VEGFC: variants seen among roughly 807,000 people sequenced by gnomAD.
The protein encoded by VEGFC is FLT4 ligand DHM.
VEGFC carries 12 observed loss-of-function variants against 46.1 expected under a neutral mutation model. The observed-to-expected ratio is 0.26, with a 90% confidence interval of 0.17 to 0.42. The LOEUF (loss-of-function observed/expected upper bound fraction) is 0.42, where lower values mean the gene tolerates loss of function less well. Among genes scored for constraint, VEGFC ranks in the 10% least tolerant of loss-of-function variants. The pLI is 1.00. For synonymous variants in VEGFC, 232 were observed against 195.5 expected (o/e 1.19, Z -1.56); for missense variants, 488 against 529.4 (o/e 0.92, Z 0.77).
chr4:176,704,158 C>T (rs950356848), intron 4 of VEGFC, among the ~76,000 whole-genome samples: 24 of 152,010 alleles, frequency 1.6e-4, no homozygotes, highest in East Asian at 1.4e-3. Context: ...GTTGTTATTC[C>T]GATTGTTCTG....
At chr4:176,693,966 G>C (rs868719874) in intron 4 of VEGFC, among the ~76,000 whole-genome samples, 24 of 151,642 alleles carry the variant, frequency 1.6e-4, no homozygotes, top group Admixed American at 3.3e-4. Context: ...CCCTAAAAGA[G>C]CTCCTGAAGG....
Position 176,746,486 on chromosome 4 carries a change from A to G in VEGFC, c.148-16740T>C, listed in dbSNP as rs182823644. ...CTGCACTATCATTGCATTAATTTTT[A>G]AAGGAAAAAAGCCCTCTTAATTTAG... On this transcript the variant is annotated intron_variant, in intron 1 of 6. Transcript: ENST00000618562. 3.9e-5 allele frequency among the ~76,000 whole-genome samples: 6 copies of G among 152,184 alleles called. No individual in the cohort carries two copies. The East Asian group carries it at 9.7e-4, about 25-fold the overall frequency.
At chr4:176,708,516 T>C (rs1263472059) in intron 4 of VEGFC, among the ~76,000 whole-genome samples, 1 of 152,062 alleles carries the variant, frequency 6.6e-6, no homozygotes, top group Non-Finnish European at 1.5e-5. Flanking sequence ...AAAATGTTTA[T>C]AAAAGGATCC....
rs1278144721 is a variant in VEGFC at position 176,729,575 on chromosome 4, T to C, written c.319A>G (p.Ile107Val). ...ANLNSRTEETIKFAAAHYNTE... is the reference protein window; with the variant it reads ...ANLNSRTEETVKFAAAHYNTE... ...TTATAATGTGCTGCAGCAAATTTTA[T>C]AGTCTCTTCTGTCCTTGAGTTGAGG... The change falls in exon 2 of 7, where the codon ATA becomes GTA. Residue 107 changes from isoleucine to valine, a missense_variant. Physicochemically the swap from Ile to Val is conservative, Grantham distance 29. Coordinates refer to ENST00000618562, the MANE Select transcript of VEGFC (RefSeq NM_005429.5). The C allele has an allele frequency of 4.3e-6, 7 of 1,613,686 alleles. No homozygotes were observed. The South Asian group carries it at 6.6e-5, about 15-fold the overall frequency.
At chr4:176,760,184 G>T (rs746347312) in intron 1 of VEGFC, among the ~76,000 whole-genome samples, 58 of 152,072 alleles carry the variant, frequency 3.8e-4, no homozygotes, top group South Asian at 1.0e-3. Flanking sequence ...GGAAAATATA[G>T]AGCAAAGAAT....
chr4:176,687,492 A>G lies in VEGFC; in HGVS notation c.840T>C (p.Cys280=), dbSNP rs1174870921. The G allele has an allele frequency of 2.5e-6, 4 of 1,610,134 alleles. No individual in the cohort carries two copies. In the African/African-American group the frequency reaches 5.4e-5, roughly 22 times the overall value. ...DDSTDGFHDI[C]GPNKELDEET... is the part of the protein sequence containing the mutation. Reference sequence around the variant, plus strand: ...CTTCATCCAGCTCCTTGTTTGGTCCACAGATGTCATGGAATCCATCTGTTG... The same window carrying G: ...CTTCATCCAGCTCCTTGTTTGGTCCGCAGATGTCATGGAATCCATCTGTTG... The change falls in exon 6 of 7, where the codon TGT becomes TGC. Residue 280 remains cysteine, a synonymous_variant. Coordinates refer to ENST00000618562, the MANE Select transcript of VEGFC (RefSeq NM_005429.5).
chr4:176,699,637 G>A (rs1251393192), intron 4 of VEGFC, among the ~76,000 whole-genome samples: 1 of 152,122 alleles, frequency 6.6e-6, no homozygotes, highest in African/African-American at 2.4e-5. Context: ...TGTTCATCTT[G>A]AGTTTGTTAC....
chr4:176,774,270 TA>T lies in VEGFC; in HGVS notation c.147+17894del, dbSNP rs200920247. ...ATAATTTTAATAGAATGAAACTGCA[TA>T]ATAAATAAAAATTTTGATTCATATT... On this transcript the variant is annotated intron_variant, in intron 1 of 6. Transcript: ENST00000618562. Among the ~76,000 whole-genome samples the T allele has an allele frequency of 2.2e-4, 5 of 22,384 alleles. No homozygotes were observed. The South Asian group carries it at 0.048, about 215-fold the overall frequency. 14.7% of individuals were successfully genotyped at this position (22,384 alleles called of 152,430 possible). A position where few individuals can be genotyped will look rare whatever the true frequency, so the allele number is the denominator to read the frequency against.
chr4:176,779,729 G>GC (rs34520805), intron 1 of VEGFC, among the ~76,000 whole-genome samples: 107,058 of 151,246 alleles, frequency 0.71, 43,866 homozygotes, highest in East Asian at 0.99. Context: ...CGAAAGCAAA[G>GC]CCCCCAGATA....
At chr4:176,731,948 G>A (rs1734972104) in intron 1 of VEGFC, among the ~76,000 whole-genome samples, 2 of 151,418 alleles carry the variant, frequency 1.3e-5, no homozygotes, top group Non-Finnish European at 2.9e-5. Flanking sequence ...AAAAACATAA[G>A]CATAACATTC....
intron 4 of VEGFC, among the ~76,000 whole-genome samples, chr4:176,696,310 A>C (rs2110979190): frequency 6.6e-6 from 1 of 152,220 alleles, no homozygotes; most frequent in Middle Eastern, 3.4e-3. Flanking sequence ...ATCAATGTAC[A>C]AAAATCACAA....
intron 3 of VEGFC, 120 bp from the exon 4 acceptor site, chr4:176,711,770 C>T (rs1414922543): frequency 8.9e-6 from 8 of 894,530 alleles, no homozygotes; most frequent in Middle Eastern, 2.7e-4. Context: ...GCCTAGTGTA[C>T]GCAGGACGCT....
chr4:176,777,174 G>A (rs894774578), intron 1 of VEGFC, among the ~76,000 whole-genome samples: 3 of 152,016 alleles, frequency 2.0e-5, no homozygotes, highest in Non-Finnish European at 4.4e-5. Context: ...AAAATTAGCC[G>A]GGCGTGGTGG....
intron 1 of VEGFC, among the ~76,000 whole-genome samples, chr4:176,732,985 G>A (rs1734992915): frequency 6.6e-6 from 1 of 151,712 alleles, no homozygotes; most frequent in Non-Finnish European, 1.5e-5. Context: ...ACTCACCAAA[G>A]AAGATAAGCA....
chr4:176,784,754 C>G (rs1464291560), intron 1 of VEGFC, among the ~76,000 whole-genome samples: 2 of 24,576 alleles, frequency 8.1e-5, no homozygotes, highest in Non-Finnish European at 1.5e-4. Flanking sequence ...CAGAGTCTGT[C>G]TCAAAAAAAA....
At chr4:176,725,077 T>A (rs1303673332) in intron 3 of VEGFC, among the ~76,000 whole-genome samples, 1 of 152,152 alleles carries the variant, frequency 6.6e-6, no homozygotes, top group Non-Finnish European at 1.5e-5. Flanking sequence ...ACTGTATTGT[T>A]CCCAATAGAA....
intron 1 of VEGFC, among the ~76,000 whole-genome samples, chr4:176,775,923 CA>C (rs879449334): frequency 1.2e-4 from 16 of 139,038 alleles, no homozygotes; most frequent in East Asian, 4.2e-4. Flanking sequence ...ATAGGCTTAC[CA>C]AAAAAAAAAG....
chr4:176,789,768 T>C (rs1388673296), intron 1 of VEGFC, among the ~76,000 whole-genome samples: 1 of 152,196 alleles, frequency 6.6e-6, no homozygotes, highest in African/African-American at 2.4e-5. Flanking sequence ...AAGGAGATCT[T>C]CATTCTATTT....
At chr4:176,749,992 T>G (rs1216131799) in intron 1 of VEGFC, among the ~76,000 whole-genome samples, 1 of 151,770 alleles carries the variant, frequency 6.6e-6, no homozygotes, top group Non-Finnish European at 1.5e-5. Context: ...TAAAAAATTA[T>G]GCCAAAATGC....
Sources: allele counts gnomAD v4.1 joint callset (sites outside exome capture counted in the v4.1 genomes callset), GRCh38; gene constraint gnomAD v4.1.1; transcripts MANE v1.5; gene names NCBI Gene and HGNC (gene_info 2026-07-23, HGNC 2026-07-21).